CACNA1C: variants seen among roughly 807,000 people sequenced by gnomAD.
CACNA1C encodes the protein calcium voltage-gated channel subunit alpha1 C.
A neutral mutation model predicts 229.0 loss-of-function variants in CACNA1C; 30 were observed. The observed-to-expected ratio is 0.13, with a 90% CI of 0.10 to 0.18. The LOEUF is 0.18. Among genes scored for constraint, CACNA1C ranks in the 10% least tolerant of loss-of-function variants. The pLI is 1.00. For missense variants in CACNA1C, 1,658 were observed against 2,845.0 expected, an observed-to-expected ratio of 0.58 and a Z score of 9.49; for synonymous variants, 1,114 against 1,132.5, an observed-to-expected ratio of 0.98 and a Z score of 0.33.
chr12:2,631,853 C>T (rs2090549852), intron 29 of CACNA1C, among the ~76,000 whole-genome samples: 1 of 152,196 alleles, frequency 6.6e-6, no homozygotes, highest in African/African-American at 2.4e-5. Context: ...ACCTGACCTC[C>T]CACGCTAAGA....
chr12:2,303,799 C>T (rs1485492289), intron 3 of CACNA1C, among the ~76,000 whole-genome samples: 1 of 152,202 alleles, frequency 6.6e-6, no homozygotes, highest in Non-Finnish European at 1.5e-5. Flanking sequence ...CCAGGGGAGG[C>T]ACCTCAGTCT....
At chr12:2,377,040 C>T (rs1026264192) in intron 3 of CACNA1C, among the ~76,000 whole-genome samples, 2 of 152,166 alleles carry the variant, frequency 1.3e-5, no homozygotes, top group African/African-American at 4.8e-5. Context: ...GAGCCAGCAT[C>T]TTGGCAGCCC....
intron 3 of CACNA1C, among the ~76,000 whole-genome samples, chr12:2,120,658 G>GTGTA (rs1241649913): frequency 8.7e-6 from 1 of 114,600 alleles, no homozygotes; most frequent in Non-Finnish European, 1.9e-5. Flanking sequence ...GGTGAGCTCT[G>GTGTA]TGTGTGTGTG....
Position 2,308,066 on chromosome 12 carries a change from A to G in CACNA1C, c.478-140910A>G, listed in dbSNP as rs113887592. On this transcript the variant is annotated intron_variant, in intron 3 of 46. Coordinates refer to ENST00000399655, the MANE Select transcript of CACNA1C (RefSeq NM_000719.7). Reference sequence around the variant, plus strand: ...ATCCTTGGACTACACTTGGAGAAATACTGACTTACATAGTAAAGAACCAAA... The same window carrying G: ...ATCCTTGGACTACACTTGGAGAAATGCTGACTTACATAGTAAAGAACCAAA... Among the ~76,000 whole-genome samples, 340 of 152,310 alleles carry G rather than the reference A, an allele frequency of 2.2e-3. 1 individual carries two copies. Among genetic ancestry groups the G allele is most frequent in the African/African-American group, 7.9e-3 (330 of 41,550 alleles).
intron 3 of CACNA1C, among the ~76,000 whole-genome samples, chr12:2,209,679 G>A (rs370708554): frequency 6.6e-6 from 1 of 152,172 alleles, no homozygotes; most frequent in South Asian, 2.1e-4. Flanking sequence ...ATTCACAGAG[G>A]GATATTTGTA....
chr12:2,128,883 C>T (rs1365457807), intron 3 of CACNA1C, among the ~76,000 whole-genome samples: 1 of 152,224 alleles, frequency 6.6e-6, no homozygotes, highest in Non-Finnish European at 1.5e-5. Context: ...GATGAGCACA[C>T]ACAAGCTCAG....
chr12:2,233,962 A>T (rs1187257425), intron 3 of CACNA1C, among the ~76,000 whole-genome samples: 1 of 152,210 alleles, frequency 6.6e-6, no homozygotes, highest in Admixed American at 6.5e-5. Flanking sequence ...GATGGGCATG[A>T]TCCTTACTCC....
rs533214088 is a variant in CACNA1C at position 2,639,025 on chromosome 12, T to A, written c.3912+4645T>A. On this transcript the variant is annotated intron_variant, in intron 30 of 46. Transcript: ENST00000399655. The surrounding 1 kb of genome is among the most constrained non-coding windows in gnomAD (Gnocchi z 4.2). ...GGCCAGGGCCTCTGGCGCGAGGAGATCGGGACCCGCAAACTTCTGTTCATC... is the reference window on the plus strand; with the variant it reads ...GGCCAGGGCCTCTGGCGCGAGGAGAACGGGACCCGCAAACTTCTGTTCATC... Among the ~76,000 whole-genome samples the A allele has an allele frequency of 1.3e-5, 2 of 152,102 alleles. No individual in the cohort carries two copies. The highest frequency in any genetic ancestry group is 4.8e-5 in the African/African-American group (2 of 41,402).
chr12:2,420,342 C>T (rs2098966131), intron 3 of CACNA1C, among the ~76,000 whole-genome samples: 1 of 151,994 alleles, frequency 6.6e-6, no homozygotes, highest in African/African-American at 2.4e-5. Flanking sequence ...AGGCTTTCAC[C>T]CCCGCTGTGA....
At chr12:2,621,235 T>TAA (rs1033251162) in intron 29 of CACNA1C, among the ~76,000 whole-genome samples, 8 of 151,594 alleles carry the variant, frequency 5.3e-5, no homozygotes, top group African/African-American at 1.9e-4. Context: ...TCAGATGGGG[T>TAA]AAGGGCTGGG....
intron 32 of CACNA1C, among the ~76,000 whole-genome samples, chr12:2,652,139 G>A (rs920900090): frequency 4.6e-5 from 7 of 152,230 alleles, no homozygotes; most frequent in African/African-American, 1.7e-4. Context: ...CCTGGTGACC[G>A]CTATGGCCCT....
rs766834339 is a variant in CACNA1C at position 2,693,932 on chromosome 12, C to G, written c.*2733C>G. ...TCTATGACAGCTTGCTGGACTGATTCATGACAAAGTGGAGAAATGTACTCA... is the reference window on the plus strand; with the variant it reads ...TCTATGACAGCTTGCTGGACTGATTGATGACAAAGTGGAGAAATGTACTCA... On this transcript the variant is annotated 3_prime_UTR_variant, in exon 47 of 47. Coordinates refer to ENST00000399655, the MANE Select transcript of CACNA1C (RefSeq NM_000719.7). The G allele has an allele frequency of 2.6e-5, 4 of 152,194 alleles. No homozygotes were observed. The highest frequency in any genetic ancestry group is 5.9e-5 in the Non-Finnish European group (4 of 68,036). The allele number at this position is 152,194 out of a possible 1,614,324, so 9.4% of individuals were successfully genotyped here.
chr12:2,095,723 A>G (rs1052348035), intron 1 of CACNA1C, among the ~76,000 whole-genome samples: 3 of 152,160 alleles, frequency 2.0e-5, no homozygotes, highest in Admixed American at 6.5e-5. Context: ...AGGACATAGG[A>G]AGATGGCAAA....
intron 13 of CACNA1C, among the ~76,000 whole-genome samples, chr12:2,571,827 G>A (rs770969836): frequency 1.3e-5 from 2 of 152,144 alleles, no homozygotes; most frequent in African/African-American, 2.4e-5. Flanking sequence ...CGTCTCCAGC[G>A]CCAGCCTTGG....
intron 42 of CACNA1C, among the ~76,000 whole-genome samples, chr12:2,681,288 T>C (rs569109356): frequency 3.9e-5 from 6 of 152,268 alleles, no homozygotes; most frequent in African/African-American, 1.4e-4. Flanking sequence ...TCTCTCCACA[T>C]AGCAAAATAC....
At chr12:2,139,033 A>G (rs766883624) in intron 3 of CACNA1C, among the ~76,000 whole-genome samples, 1 of 150,728 alleles carries the variant, frequency 6.6e-6, no homozygotes, top group Non-Finnish European at 1.5e-5. Context: ...GTTTTCTAGC[A>G]CTGCTGTGAA....
At chr12:2,305,324 C>T (rs1385900643) in intron 3 of CACNA1C, among the ~76,000 whole-genome samples, 2 of 152,238 alleles carry the variant, frequency 1.3e-5, no homozygotes, top group East Asian at 3.8e-4. Flanking sequence ...GATGTTGAGA[C>T]ATGTTCTTAG....
intron 3 of CACNA1C, among the ~76,000 whole-genome samples, chr12:2,330,832 A>G (rs900129786): frequency 1.3e-5 from 2 of 152,264 alleles, no homozygotes; most frequent in Non-Finnish European, 2.9e-5. Flanking sequence ...ACAGTTTGCC[A>G]CAATATATTC....
Position 2,061,784 on chromosome 12 carries a change from G to A in CACNA1C, c.49+8173G>A, listed in dbSNP as rs538983808. 9.8e-5 allele frequency among the ~76,000 whole-genome samples: 15 copies of A among 152,334 alleles called. No individual in the cohort carries two copies. The South Asian group carries it at 2.7e-3, about 27-fold the overall frequency. ...AACCAATGTCTCCTCACTTTTGAAC[G>A]TGAATTCCCCAAACCTAAACCCAAC... On this transcript the variant is annotated intron_variant, in intron 1 of 46. Coordinates refer to ENST00000399655, the MANE Select transcript of CACNA1C (RefSeq NM_000719.7).
Sources: gnomAD v4.1 joint callset for allele counts (sites outside exome capture counted in the v4.1 genomes callset) on GRCh38, gnomAD v4.1.1 for gene constraint, Gnocchi (gnomAD v3.1) non-coding constraint, MANE v1.5 for transcripts, NCBI Gene and HGNC (gene_info 2026-07-23, HGNC 2026-07-21) for gene names.